The following PCDHA3 variants were observed in gnomAD, a reference collection of about 807,000 sequenced individuals.
The protein encoded by PCDHA3 is protocadherin alpha-3.
Under a neutral mutation model 62.2 loss-of-function variants are expected in PCDHA3, and 41 were observed. The observed-to-expected ratio is 0.66, with a 90% confidence interval of 0.51 to 0.86. The LOEUF is 0.86. Ranked by LOEUF, PCDHA3 falls within the 40% of genes least tolerant of loss-of-function variation. The pLI is 0.00. For missense variants in PCDHA3, 1,304 were observed against 1,241.2 expected (o/e 1.05, Z -0.76); for synonymous variants, 640 against 555.4 (o/e 1.15, Z -2.14).
intron 1 of PCDHA3, chr5:140,836,819 CT>C: frequency 9.0e-7 from 1 of 1,113,456 alleles, no homozygotes; most frequent in Non-Finnish European, 1.3e-6. Context: ...TTCATAATTT[CT>C]TTTTTAGTTG....
chr5:140,851,882 G>A lies in PCDHA3; in HGVS notation c.2394+48291G>A. ...CATACATAACACAAGGCAGAAATCT[G>A]GATATGAGATTTGCCTCTTTAATGT... On this transcript the variant is annotated intron_variant, in intron 1 of 3. Transcript: ENST00000522353. The A allele has an allele frequency of 2.0e-6, 2 of 976,778 alleles. 1 individual carries two copies. Among genetic ancestry groups the A allele is most frequent in the Non-Finnish European group, 2.5e-6 (2 of 809,414 alleles). The allele number at this position is 976,778 out of a possible 1,614,324, so 60.5% of individuals were successfully genotyped here. A position where few individuals can be genotyped will look rare whatever the true frequency, so the allele number is the denominator to read the frequency against.
intron 1 of PCDHA3, chr5:140,871,653 C>T: frequency 1.6e-6 from 2 of 1,244,250 alleles, no homozygotes; most frequent in Non-Finnish European, 2.2e-6. Flanking sequence ...CCAAATGATA[C>T]ACATCTTCAG....
At chr5:140,959,568 T>A (rs1333268160) in intron 1 of PCDHA3, among the ~76,000 whole-genome samples, 1 of 152,208 alleles carries the variant, frequency 6.6e-6, no homozygotes, top group African/African-American at 2.4e-5. Flanking sequence ...GTACTAGATT[T>A]TTTGTTTCAA....
At chr5:140,886,654 T>C (rs2061065769) in intron 1 of PCDHA3, among the ~76,000 whole-genome samples, 1 of 151,782 alleles carries the variant, frequency 6.6e-6, no homozygotes, top group African/African-American at 2.4e-5. Context: ...GGTGAAACCC[T>C]GTCTCTACTA....
chr5:140,901,599 A>C (rs1196199794), intron 1 of PCDHA3, among the ~76,000 whole-genome samples: 1 of 152,132 alleles, frequency 6.6e-6, no homozygotes, highest in Non-Finnish European at 1.5e-5. Flanking sequence ...TTTGGTTACT[A>C]TATCTCTATG....
intron 1 of PCDHA3, among the ~76,000 whole-genome samples, chr5:140,880,783 G>A (rs1296382612): frequency 6.6e-6 from 1 of 152,154 alleles, no homozygotes; most frequent in Non-Finnish European, 1.5e-5. Flanking sequence ...GAATGTTAGA[G>A]GAGTAATATA....
At chr5:140,918,074 G>T (rs546551059) in intron 1 of PCDHA3, among the ~76,000 whole-genome samples, 1 of 152,096 alleles carries the variant, frequency 6.6e-6, no homozygotes, top group South Asian at 2.1e-4. Context: ...TCTTTCAGTA[G>T]TGTTTTATAA....
intron 1 of PCDHA3, among the ~76,000 whole-genome samples, chr5:140,886,052 CT>C (rs1247635205): frequency 6.6e-6 from 1 of 152,122 alleles, no homozygotes; most frequent in Non-Finnish European, 1.5e-5. Flanking sequence ...ATAGTAACAT[CT>C]TACAAAAGCG....
At chr5:140,955,458 T>C (rs246018) in intron 1 of PCDHA3, among the ~76,000 whole-genome samples, 85,567 of 151,850 alleles carry the variant, frequency 0.56, 24,724 homozygotes, top group African/African-American at 0.69. Flanking sequence ...AAGGGCTTTT[T>C]CCTTTTTGCT....
At chr5:140,872,497 C>G (rs1554166232) in intron 1 of PCDHA3, among the ~76,000 whole-genome samples, 1 of 152,150 alleles carries the variant, frequency 6.6e-6, no homozygotes. Context: ...CCTAGTGGTG[C>G]ATGCCTGTAG....
intron 1 of PCDHA3, chr5:140,966,383 C>T: frequency 2.5e-6 from 1 of 405,022 alleles, no homozygotes; most frequent in East Asian, 3.6e-5. Context: ...TCCGGGTTCG[C>T]TGTCCGCCAC....
chr5:140,888,945 T>G (rs2062037344), intron 1 of PCDHA3, among the ~76,000 whole-genome samples: 1 of 152,102 alleles, frequency 6.6e-6, no homozygotes, highest in African/African-American at 2.4e-5. Context: ...GAGGTATAAA[T>G]TTTTTCTTTG....
chr5:140,848,487 G>T (rs2150411102), intron 1 of PCDHA3: 1 of 1,574,380 alleles, frequency 6.4e-7, no homozygotes, highest in Non-Finnish European at 8.7e-7. Context: ...AGAAGACTGA[G>T]TATTTGAAAT....
intron 1 of PCDHA3, chr5:140,857,401 G>C: frequency 1.9e-6 from 3 of 1,598,170 alleles, no homozygotes; most frequent in Non-Finnish European, 2.6e-6. Flanking sequence ...ACGACAACGC[G>C]CCTGCGTTCG....
At chr5:140,943,854 CAAG>C (rs1298449902) in intron 1 of PCDHA3, among the ~76,000 whole-genome samples, 7 of 152,158 alleles carry the variant, frequency 4.6e-5, no homozygotes, top group African/African-American at 1.7e-4. Flanking sequence ...TCACAGAAGT[CAAG>C]AAGAGGTCTC....
chr5:140,940,825 G>A (rs782539336), intron 1 of PCDHA3, among the ~76,000 whole-genome samples: 53 of 152,232 alleles, frequency 3.5e-4, no homozygotes, highest in South Asian at 6.2e-4. Context: ...ATCTTGGATG[G>A]AAATACCTTT....
intron 3 of PCDHA3, among the ~76,000 whole-genome samples, chr5:140,990,421 G>A (rs374181612): frequency 2.6e-5 from 4 of 152,190 alleles, no homozygotes; most frequent in Non-Finnish European, 5.9e-5. Flanking sequence ...CTTTCAACCA[G>A]CATTGACCCA....
chr5:140,841,447 C>A, intron 1 of PCDHA3: 1 of 1,612,948 alleles, frequency 6.2e-7, no homozygotes, highest in Non-Finnish European at 8.5e-7. Context: ...CCAAACACGG[C>A]ACCTTCGTGG....
At position 140,807,271 on chromosome 5, in the gene PCDHA3, C is replaced by A; in HGVS notation, c.2394+3680C>A. Reference sequence around the variant, plus strand: ...TCCTCGCAGCCTGGGAGGCAGGGAACGGTCAGCTCCACTACTCGGTCTCCG... The same window carrying A: ...TCCTCGCAGCCTGGGAGGCAGGGAAAGGTCAGCTCCACTACTCGGTCTCCG... On this transcript the variant is annotated intron_variant, in intron 1 of 3. Transcript: ENST00000522353. The A allele has an allele frequency of 1.9e-6, 3 of 1,614,246 alleles. No homozygotes were observed. In the South Asian group the frequency reaches 3.3e-5, roughly 18 times the overall value.
Sources: gnomAD v4.1 joint callset for allele counts (sites outside exome capture counted in the v4.1 genomes callset) on GRCh38, gnomAD v4.1.1 for gene constraint, MANE v1.5 for transcripts, NCBI Gene and HGNC (gene_info 2026-07-23, HGNC 2026-07-21) for gene names.